The following KLF15 variants were observed in gnomAD, a reference collection of about 807,000 sequenced individuals.
KLF15 encodes Krueppel-like factor 15.
A neutral mutation model predicts 24.6 loss-of-function variants in KLF15; 4 were observed. The observed-to-expected ratio is 0.16, with a 90% CI of 0.08 to 0.37. The LOEUF is 0.37. KLF15 is among the 10% of genes least tolerant of loss of function. KLF15 has a pLI of 1.00. For synonymous variants in KLF15, 246 were observed against 236.3 expected, an observed-to-expected ratio of 1.04 and a Z score of -0.37; for missense variants, 496 against 560.6, an observed-to-expected ratio of 0.88 and a Z score of 1.16.
chr3:126,342,548 C>G (rs2082487357), downstream of KLF15: 1 of 152,534 alleles, frequency 6.6e-6, no homozygotes, highest in Non-Finnish European at 1.5e-5. Context: ...GTTCCCTGAA[C>G]TCTGCGAAGG....
the KLF15 span, among the ~76,000 whole-genome samples, chr3:126,330,017 G>A: frequency 1.4e-4 from 21 of 152,206 alleles, no homozygotes; most frequent in East Asian, 9.7e-4. Context: ...GGGCTTGGCC[G>A]TATGACTTGT....
At chr3:126,326,275 G>A in the KLF15 span, among the ~76,000 whole-genome samples, 17 of 140,026 alleles carry the variant, frequency 1.2e-4, no homozygotes, top group African/African-American at 4.1e-4. Context: ...TTTGGCTTAG[G>A]ATTGACTTGG....
At chr3:126,323,431 AT>A in the KLF15 span, among the ~76,000 whole-genome samples, 2 of 50,644 alleles carry the variant, frequency 3.9e-5, no homozygotes, top group Non-Finnish European at 8.2e-5. Flanking sequence ...ATATATATAT[AT>A]ATAACATATA....
chr3:126,329,192 T>C, the KLF15 span, among the ~76,000 whole-genome samples: 1 of 152,260 alleles, frequency 6.6e-6, no homozygotes, highest in African/African-American at 2.4e-5. Flanking sequence ...CCATCTTTCC[T>C]CTCTTATCAT....
intron 2 of KLF15, among the ~76,000 whole-genome samples, chr3:126,347,706 A>C (rs931627691): frequency 6.6e-6 from 1 of 152,214 alleles, no homozygotes; most frequent in African/African-American, 2.4e-5. Flanking sequence ...GGATCAGAAC[A>C]GGGAAAGCCT....
chr3:126,311,796 G>C, the KLF15 span, among the ~76,000 whole-genome samples: 2 of 152,230 alleles, frequency 1.3e-5, no homozygotes, highest in African/African-American at 4.8e-5. Context: ...TGTTTGTCAA[G>C]CTTCCTTCCT....
chr3:126,347,499 C>T (rs1027378345), intron 2 of KLF15, among the ~76,000 whole-genome samples: 4 of 152,206 alleles, frequency 2.6e-5, no homozygotes, highest in African/African-American at 7.2e-5. Flanking sequence ...CTGTGGACGA[C>T]AAAAGTACCC....
At chr3:126,314,791 A>G in the KLF15 span, among the ~76,000 whole-genome samples, 1 of 152,254 alleles carries the variant, frequency 6.6e-6, no homozygotes, top group African/African-American at 2.4e-5. Flanking sequence ...CTATTGCATC[A>G]GCATCGTTCT....
the KLF15 span, among the ~76,000 whole-genome samples, chr3:126,321,262 G>A: frequency 3.3e-5 from 5 of 152,122 alleles, no homozygotes; most frequent in Admixed American, 1.3e-4. Context: ...AGGAAGAATC[G>A]CCCCTGAACT....
the KLF15 span, among the ~76,000 whole-genome samples, chr3:126,323,746 A>G: frequency 7.7e-6 from 1 of 129,634 alleles, no homozygotes; most frequent in East Asian, 2.3e-4. Flanking sequence ...GAGTGAGAAC[A>G]TCATATTTTG....
chr3:126,351,868 G>A lies in KLF15; in HGVS notation c.1055C>T (p.Ala352Val). ...LRRHTGEKPF[A>V]CTWPGCGWRF... is the part of the protein sequence containing the mutation. ...CCAGCCGCAGCCTGGCCAGGTGCAG[G>A]CGAAGGGCTTCTCACCCGTGTGCCG... Residue 352 changes from alanine to valine, a missense_variant, in exon 2 of 3, where the codon GCC (alanine) becomes GTC (valine). By Grantham distance (64) the Ala-to-Val change is moderately conservative. Transcript: ENST00000296233. 6.2e-7 allele frequency: 1 copy of A among 1,613,976 alleles called. No homozygotes were observed.
chr3:126,290,506 ACCTTCCTTCCTT>A, the KLF15 span, among the ~76,000 whole-genome samples: 45 of 144,714 alleles, frequency 3.1e-4, no homozygotes, highest in South Asian at 3.4e-3. Flanking sequence ...CTTCCTTCCT[ACCTTCCTTCCTT>A]CCTTCCTTCC....
chr3:126,314,954 A>G, the KLF15 span, among the ~76,000 whole-genome samples: 2 of 152,344 alleles, frequency 1.3e-5, no homozygotes, highest in South Asian at 4.1e-4. Context: ...TAGGGGCCGC[A>G]GATGTCTCTT....
chr3:126,328,664 CA>C, the KLF15 span, among the ~76,000 whole-genome samples: 60 of 151,130 alleles, frequency 4.0e-4, no homozygotes, highest in African/African-American at 1.3e-3. Flanking sequence ...AATTATCCTC[CA>C]AAAAAAAATT....
At position 126,356,273 on chromosome 3, in the gene KLF15, C is replaced by T. The variant is rs76275257; in HGVS notation, c.-26+964G>A. 2.0e-5 allele frequency among the ~76,000 whole-genome samples: 3 copies of T among 152,110 alleles called. No homozygotes were observed. The East Asian group carries it at 5.8e-4, about 30-fold the overall frequency. ...ACACCTGTAGGGCGGCAGGGTCTCC[C>T]CAGGGGCCACCTGGTCCGGGGGGAC... On this transcript the variant is annotated intron_variant, in intron 1 of 2. Transcript: ENST00000296233. This position sits in a 1 kb window ranked among gnomAD's most constrained non-coding sequence, Gnocchi z 4.4.
In KLF15 at chr3:126,351,869, C is replaced by A; in HGVS notation, c.1054G>T (p.Ala352Ser). The A allele has an allele frequency of 1.9e-6, 3 of 1,613,892 alleles. No individual in the cohort carries two copies. Among genetic ancestry groups the A allele is most frequent in the Non-Finnish European group, 2.5e-6 (3 of 1,179,934 alleles). ...LRRHTGEKPF[A>S]CTWPGCGWRF... The stretch of plus-strand genomic sequence containing the variant: ...CAGCCGCAGCCTGGCCAGGTGCAGG[C>A]GAAGGGCTTCTCACCCGTGTGCCGG... Residue 352 changes from alanine to serine, a missense_variant, in exon 2 of 3, where the codon GCC becomes TCC. This residue lies in a region of KLF15 where 59 missense variants were observed against 106.1 expected (regional missense o/e 0.56). Transcript: ENST00000296233.
At chr3:126,350,459 C>A (rs2082573971) in intron 2 of KLF15, among the ~76,000 whole-genome samples, 1 of 152,206 alleles carries the variant, frequency 6.6e-6, no homozygotes, top group Non-Finnish European at 1.5e-5. Flanking sequence ...AGGAAAATTC[C>A]CTTCTCTGGC....
chr3:126,354,153 G>A (rs1335443869), intron 1 of KLF15: 3 of 152,338 alleles, frequency 2.0e-5, no homozygotes, highest in African/African-American at 4.8e-5. Context: ...AGGGAAAGCT[G>A]CATCCTCTGA....
At chr3:126,339,046 G>T (rs146248826), downstream of KLF15, among the ~76,000 whole-genome samples, 1 of 152,336 alleles carries the variant, frequency 6.6e-6, no homozygotes, top group South Asian at 2.1e-4. Flanking sequence ...TTGGAGAGCA[G>T]GGTGGAGCAG....
Sources: allele counts gnomAD v4.1 joint callset (sites outside exome capture counted in the v4.1 genomes callset), GRCh38; gene constraint gnomAD v4.1.1; regional missense constraint gnomAD v4.1.1; non-coding constraint Gnocchi (gnomAD v3.1); transcripts MANE v1.5; gene names NCBI Gene and HGNC (gene_info 2026-07-23, HGNC 2026-07-21).